The following FBXL5 variants were observed in gnomAD, a reference collection of about 807,000 sequenced individuals.
FBXL5 encodes the protein F-box/LRR-repeat protein 5.
FBXL5 carries 26 observed loss-of-function variants against 78.3 expected under a neutral mutation model. The observed-to-expected ratio is 0.33, with a 90% CI of 0.24 to 0.46. FBXL5 has a LOEUF of 0.46. Ranked by LOEUF, FBXL5 falls within the 20% of genes least tolerant of loss-of-function variation. The probability of loss-of-function intolerance (pLI) is 1.00; values close to 1 mark genes in which losing one functional copy is unlikely to be tolerated. For missense variants in FBXL5, 710 were observed against 829.2 expected, an observed-to-expected ratio of 0.86 and a Z score of 1.77; for synonymous variants, 295 against 282.5, an observed-to-expected ratio of 1.04 and a Z score of -0.45.
rs559360627 is a variant in FBXL5 at position 15,627,423 on chromosome 4, G to A, written c.1041+462C>T. Among the ~76,000 whole-genome samples, 171 of 152,182 alleles carry A rather than the reference G, an allele frequency of 1.1e-3. 3 individuals are homozygous for A. The South Asian group carries it at 0.034, about 30-fold the overall frequency. ...GCTGGGATTACAGGCATGAGCCACC[G>A]CACCCGCCCAAGTATCTGTTTTAGC... On this transcript the variant is annotated intron_variant, in intron 7 of 10. Transcript: ENST00000341285.
chr4:15,675,572 ATTTTTT>A (rs60660814), intron 1 of FBXL5, among the ~76,000 whole-genome samples: 19 of 96,682 alleles, frequency 2.0e-4, no homozygotes, highest in South Asian at 1.0e-3. Context: ...CAAAACTCCT[ATTTTTT>A]TTTTTTTTTT....
chr4:15,628,248 T>C (rs895686164), intron 6 of FBXL5, among the ~76,000 whole-genome samples: 1 of 152,024 alleles, frequency 6.6e-6, no homozygotes, highest in African/African-American at 2.4e-5. Flanking sequence ...AAATATGATA[T>C]CAAAAGAAAA....
upstream of FBXL5, chr4:15,656,089 G>C: frequency 4.6e-6 from 2 of 436,550 alleles, no homozygotes; most frequent in Non-Finnish European, 9.3e-6. Flanking sequence ...CTCAAGTGCA[G>C]GAACGCGGGT....
intron 9 of FBXL5, 115 bp from the exon 10 acceptor site, chr4:15,612,529 T>A: frequency 1.0e-6 from 1 of 966,566 alleles, no homozygotes; most frequent in Non-Finnish European, 1.5e-6. Flanking sequence ...TGAGAAAATT[T>A]AAGAATTTCT....
intron 9 of FBXL5, among the ~76,000 whole-genome samples, chr4:15,613,168 T>C (rs760608883): frequency 1.4e-4 from 22 of 152,100 alleles, no homozygotes; most frequent in Non-Finnish European, 2.2e-4. Flanking sequence ...CCAAGTCGAT[T>C]CATGGTTATC....
chr4:15,625,901 G>T lies in FBXL5; in HGVS notation c.1201C>A (p.Leu401Ile). The T allele has an allele frequency of 6.2e-7, 1 of 1,613,838 alleles. No homozygotes were observed. Among genetic ancestry groups the T allele is most frequent in the South Asian group, 1.1e-5 (1 of 91,054 alleles). ...CCAAGAGCTCTGGAAATCTTCTCTA[G>T]GGCCACATCTGTGATTTTCTCACAA... Reference protein sequence around the residue: ...SGCEKITDVALEKISRALGIL... With the variant: ...SGCEKITDVAIEKISRALGIL... The change falls in exon 9 of 11, where the codon CTA becomes ATA. Residue 401 changes from leucine to isoleucine, a missense_variant. Transcript: ENST00000341285.
intron 9 of FBXL5, 64 bp downstream of exon 9, chr4:15,625,188 T>C (rs1400861558): frequency 2.5e-5 from 38 of 1,495,928 alleles, no homozygotes; most frequent in Non-Finnish European, 3.2e-5. Context: ...AGATCAAAAT[T>C]TTTATATTCC....
chr4:15,625,557 A>C lies in FBXL5; in HGVS notation c.1545T>G (p.Cys515Trp), dbSNP rs1009271310. 1 of 1,614,222 alleles carries C rather than the reference A, an allele frequency of 6.2e-7. No individual in the cohort carries two copies. Among genetic ancestry groups the C allele is most frequent in the Admixed American group, 1.7e-5 (1 of 60,026 alleles). Residue 515 changes from cysteine (C) to tryptophan (W), a missense_variant, in exon 9 of 11, where the codon TGT becomes TGG. By Grantham distance (215) the Cys-to-Trp change is radical. Transcript: ENST00000341285. Reference sequence around the variant, plus strand: ...CCTTACTAAAACAACCAGAGGTGGAACAACTAAAGTTGGATGCTGTTTCCA... The same window carrying C: ...CCTTACTAAAACAACCAGAGGTGGACCAACTAAAGTTGGATGCTGTTTCCA... ...CVMETASNFS[C>W]STSGCFSKDI...
chr4:15,608,417 C>CT (rs1301318344), intron 10 of FBXL5, among the ~76,000 whole-genome samples: 1 of 151,818 alleles, frequency 6.6e-6, no homozygotes, highest in African/African-American at 2.4e-5. Flanking sequence ...CTCCTGAAGT[C>CT]TAAGGGATGG....
intron 1 of FBXL5, among the ~76,000 whole-genome samples, chr4:15,645,054 TAA>T (rs1715225942): frequency 6.6e-6 from 1 of 152,050 alleles, no homozygotes; most frequent in African/African-American, 2.4e-5. Context: ...GCAGAAATTT[TAA>T]AGAGGGAAAC....
intron 1 of FBXL5, among the ~76,000 whole-genome samples, chr4:15,679,562 C>CAAA (rs1202369624): frequency 2.1e-5 from 2 of 94,400 alleles, no homozygotes; most frequent in Admixed American, 1.1e-4. Context: ...AGTTCAGGAA[C>CAAA]AAAAAAAAAA....
At position 15,604,449 on chromosome 4, in the gene FBXL5, C is replaced by CAATCACTGGCCAGT. The variant is rs1045715248; in HGVS notation, c.*1273_*1274insACTGGCCAGTGATT. The CAATCACTGGCCAGT allele has an allele frequency of 9.9e-5, 15 of 152,238 alleles. No homozygotes were observed. The highest frequency in any genetic ancestry group is 3.4e-4 in the African/African-American group (14 of 41,530). The allele number at this position is 152,238 out of a possible 1,614,324, so 9.4% of individuals were successfully genotyped here. ...CATTCCAAAGCAATTACAATAGTAACAACAATCACTGGCCACAGATCACCA... is the reference window on the plus strand; with the variant it reads ...CATTCCAAAGCAATTACAATAGTAACAATCACTGGCCAGTAACAATCACTGGCCACAGATCACCA... On this transcript the variant is annotated 3_prime_UTR_variant, in exon 11 of 11. Coordinates refer to ENST00000341285, the MANE Select transcript of FBXL5 (RefSeq NM_012161.4).
intron 10 of FBXL5, 128 bp from the exon 11 acceptor site, chr4:15,605,927 A>C (rs914913869): frequency 3.0e-4 from 204 of 673,832 alleles, no homozygotes; most frequent in Non-Finnish European, 3.6e-4. Context: ...AGTAAATCTC[A>C]TGATAAGTGT....
intron 1 of FBXL5, among the ~76,000 whole-genome samples, chr4:15,678,504 T>C (rs1255549382): frequency 6.6e-6 from 1 of 152,224 alleles, no homozygotes; most frequent in Non-Finnish European, 1.5e-5. Context: ...GAAGAAAAGC[T>C]ACAATGCTAC....
In FBXL5 at chr4:15,605,592, T is replaced by C. The variant is rs979556679; in HGVS notation, c.*131A>G. The stretch of plus-strand genomic sequence containing the variant: ...CACTGGTAAATTAAGATTTCTGAAG[T>C]TGTAAGAAATGGGGCCAAAACAAGT... On this transcript the variant is annotated 3_prime_UTR_variant, in exon 11 of 11. Transcript: ENST00000341285. 1 of 664,694 alleles carries C rather than the reference T, an allele frequency of 1.5e-6. No homozygotes were observed. The highest frequency in any genetic ancestry group is 2.6e-6 in the Non-Finnish European group (1 of 380,954). 41.2% of individuals were successfully genotyped at this position (664,694 alleles called of 1,614,324 possible). A position where few individuals can be genotyped will look rare whatever the true frequency, so the allele number is the denominator to read the frequency against.
At chr4:15,634,828 G>A (rs887933309) in intron 5 of FBXL5, among the ~76,000 whole-genome samples, 3 of 151,974 alleles carry the variant, frequency 2.0e-5, no homozygotes, top group East Asian at 1.9e-4. Flanking sequence ...CTATCAAATC[G>A]TGACATAATT....
chr4:15,671,895 G>C lies in FBXL5; in HGVS notation c.-284+9488C>G, dbSNP rs767557031. Among the ~76,000 whole-genome samples the C allele has an allele frequency of 8.2e-4, 125 of 152,132 alleles. 2 individuals carry two copies. The highest frequency in any genetic ancestry group is 3.4e-4 in the Non-Finnish European group (23 of 68,030). ...CTGCAGTTTTCATCTCTAGAAGTTG[G>C]ATTGACATCTATCTTCCATGTCTCT... On this transcript the variant is annotated intron_variant, in intron 1 of 4. Transcript: ENST00000507899.
chr4:15,653,194 T>G (rs1050136883), intron 1 of FBXL5, among the ~76,000 whole-genome samples: 9 of 152,226 alleles, frequency 5.9e-5, no homozygotes. Context: ...TCTCATTAAC[T>G]ATATCTAATT....
At chr4:15,624,563 CAT>C (rs1452476925) in intron 9 of FBXL5, among the ~76,000 whole-genome samples, 3 of 147,384 alleles carry the variant, frequency 2.0e-5, no homozygotes, top group South Asian at 2.1e-4. Flanking sequence ...TGGGCTGACA[CAT>C]GTGTCACCTT....
Sources: allele counts gnomAD v4.1 joint callset (sites outside exome capture counted in the v4.1 genomes callset), GRCh38; gene constraint gnomAD v4.1.1; transcripts MANE v1.5; gene names NCBI Gene and HGNC (gene_info 2026-07-23, HGNC 2026-07-21).